The following LAMA2 variants were observed in gnomAD, a reference collection of about 807,000 sequenced individuals.
LAMA2 encodes laminin subunit alpha-2.
In LAMA2, 269 loss-of-function variants were observed where a neutral mutation model predicts 364.8. The observed-to-expected ratio is 0.74, with a 90% CI of 0.67 to 0.82. The LOEUF (loss-of-function observed/expected upper bound fraction) is 0.82, where lower values mean the gene tolerates loss of function less well. LAMA2 is among the 40% of genes least tolerant of loss of function. LAMA2 has a pLI of 0.00. For synonymous variants in LAMA2, 1,379 were observed against 1,370.6 expected, an observed-to-expected ratio of 1.01 and a Z score of -0.14; for missense variants, 3,807 against 3,873.2, an observed-to-expected ratio of 0.98 and a Z score of 0.45.
chr6:129,460,918 C>A (rs927625345), intron 49 of LAMA2, among the ~76,000 whole-genome samples: 1 of 151,756 alleles, frequency 6.6e-6, no homozygotes, highest in Non-Finnish European at 1.5e-5. Flanking sequence ...AGGAAAGTTC[C>A]TAATACATGA....
chr6:129,063,742 T>C (rs1031569902), intron 3 of LAMA2, among the ~76,000 whole-genome samples: 1 of 152,196 alleles, frequency 6.6e-6, no homozygotes, highest in South Asian at 2.1e-4. Context: ...TTAACCTAAA[T>C]ATTTTATTCA....
chr6:129,374,804 C>T (rs569779863), intron 34 of LAMA2, among the ~76,000 whole-genome samples: 307 of 149,244 alleles, frequency 2.1e-3, no homozygotes, highest in Non-Finnish European at 1.2e-3. Flanking sequence ...AGGCTGGTCT[C>T]GAACCCCTGA....
At chr6:129,052,347 A>G (rs1436233360) in intron 2 of LAMA2, among the ~76,000 whole-genome samples, 1 of 138,030 alleles carries the variant, frequency 7.2e-6, no homozygotes. Flanking sequence ...ACGGGGTTTC[A>G]CCGTGTTAGC....
At chr6:129,124,288 G>A (rs1776981315) in intron 4 of LAMA2, among the ~76,000 whole-genome samples, 1 of 152,182 alleles carries the variant, frequency 6.6e-6, no homozygotes, top group African/African-American at 2.4e-5. Flanking sequence ...AGGGATGTTT[G>A]TAAAGTGAAC....
intron 3 of LAMA2, among the ~76,000 whole-genome samples, chr6:129,065,800 C>T (rs7451237): frequency 0.75 from 113,124 of 151,824 alleles, 44,265 homozygotes; most frequent in East Asian, 0.97. Flanking sequence ...TGGGAGATGG[C>T]TGAATCATGG....
chr6:129,313,660 A>G (rs1283994430), intron 23 of LAMA2, among the ~76,000 whole-genome samples: 3 of 152,244 alleles, frequency 2.0e-5, no homozygotes, highest in Non-Finnish European at 4.4e-5. Context: ...TTAAAAAGGT[A>G]AAAAGGATTT....
chr6:129,215,211 A>G (rs1783350037), intron 12 of LAMA2, among the ~76,000 whole-genome samples: 1 of 152,124 alleles, frequency 6.6e-6, no homozygotes, highest in Non-Finnish European at 1.5e-5. Context: ...GAGAACCATA[A>G]CCTACATATC....
chr6:129,048,540 C>CCTTTCTTTCTTTCTTT (rs1308439018), intron 1 of LAMA2, among the ~76,000 whole-genome samples: 12 of 53,982 alleles, frequency 2.2e-4, no homozygotes, highest in African/African-American at 3.2e-4. Context: ...TTCCTTCCTT[C>CCTTTCTTTCTTTCTTT]CTTTCTTTCT....
chr6:129,060,983 T>C (rs1220329230), intron 3 of LAMA2, among the ~76,000 whole-genome samples: 2 of 152,178 alleles, frequency 1.3e-5, no homozygotes, highest in Non-Finnish European at 2.9e-5. Flanking sequence ...CTACCCTCAC[T>C]AATATACAGC....
rs377762951 is a variant in LAMA2, at chr6:129,121,765, A to G, written c.640-22136A>G. 7.2e-5 allele frequency among the ~76,000 whole-genome samples: 11 copies of G among 152,226 alleles called. 1 individual carries two copies. Among genetic ancestry groups the G allele is most frequent in the Admixed American group, 5.2e-4 (8 of 15,286 alleles). ...AGGGAAAAAGCTGGATCTCAAAGAC[A>G]TTATTACAAAGCAGTAGTAAATTAT... On this transcript the variant is annotated intron_variant, in intron 4 of 64. Transcript: ENST00000421865.
chr6:129,171,578 C>G (rs1246283209), intron 9 of LAMA2, among the ~76,000 whole-genome samples: 17 of 151,886 alleles, frequency 1.1e-4, no homozygotes, highest in African/African-American at 4.1e-4. Flanking sequence ...TTGAGGGTAA[C>G]CCGACCTTTC....
intron 3 of LAMA2, among the ~76,000 whole-genome samples, chr6:129,073,716 T>C (rs2114823417): frequency 6.6e-6 from 1 of 152,284 alleles, no homozygotes; most frequent in East Asian, 1.9e-4. Flanking sequence ...TTTTAGAATA[T>C]CCATTTGATA....
chr6:129,053,522 C>A (rs1381401830), intron 2 of LAMA2, among the ~76,000 whole-genome samples: 1 of 141,674 alleles, frequency 7.1e-6, no homozygotes, highest in Non-Finnish European at 1.5e-5. Flanking sequence ...CAAGGGAGTT[C>A]AGGTAAATGG....
rs1215920194 is a variant in LAMA2, at chr6:129,406,501, TA to T, written c.5865+2543del. 3.9e-5 allele frequency among the ~76,000 whole-genome samples: 6 copies of T among 152,312 alleles called. No homozygotes were observed. The East Asian group carries it at 9.6e-4, about 24-fold the overall frequency. On this transcript the variant is annotated intron_variant, in intron 40 of 64. Transcript: ENST00000421865. ...ATAATCACCAAGAAAATATCTCATT[TA>T]GTACTTCTCTAGAGGGTGCAAGGAA...
chr6:129,241,728 A>C (rs2115157928), intron 12 of LAMA2, among the ~76,000 whole-genome samples: 1 of 152,282 alleles, frequency 6.6e-6, no homozygotes, highest in Non-Finnish European at 1.5e-5. Context: ...CAACTAACAC[A>C]ACCCTTTACC....
At chr6:129,434,206 T>C (rs542559777) in intron 41 of LAMA2, among the ~76,000 whole-genome samples, 27 of 152,208 alleles carry the variant, frequency 1.8e-4, no homozygotes, top group Non-Finnish European at 3.7e-4. Flanking sequence ...CCCTGCGATT[T>C]TTATTCTGGA....
intron 63 of LAMA2, among the ~76,000 whole-genome samples, chr6:129,513,359 C>T (rs1397295491): frequency 6.6e-6 from 1 of 152,016 alleles, no homozygotes; most frequent in Non-Finnish European, 1.5e-5. Flanking sequence ...ATAGTTTTAC[C>T]AAATTTTCAA....
chr6:129,418,692 T>G lies in LAMA2; in HGVS notation c.5866-9060T>G, dbSNP rs141257091. On this transcript the variant is annotated intron_variant, in intron 40 of 64. Transcript: ENST00000421865. The stretch of plus-strand genomic sequence containing the variant: ...TGCTAGCAGGCCAGAATTTGGGAAT[T>G]AGATGATCTGGCTCCAAATTCAATA... 6.9e-4 allele frequency among the ~76,000 whole-genome samples: 105 copies of G among 152,170 alleles called. 3 individuals carry two copies. The highest frequency in any genetic ancestry group is 3.4e-3 in the Middle Eastern group (1 of 294).
intron 1 of LAMA2, among the ~76,000 whole-genome samples, chr6:129,009,162 C>G (rs1252599974): frequency 6.6e-6 from 1 of 152,062 alleles, no homozygotes; most frequent in African/African-American, 2.4e-5. Flanking sequence ...GGAGAGTATA[C>G]TATTTGACTC....
Sources: gnomAD v4.1 joint callset for allele counts (sites outside exome capture counted in the v4.1 genomes callset) on GRCh38, gnomAD v4.1.1 for gene constraint, MANE v1.5 for transcripts, NCBI Gene and HGNC (gene_info 2026-07-23, HGNC 2026-07-21) for gene names.